The following CHMP2B variants were observed in gnomAD, a reference collection of about 807,000 sequenced individuals.
The protein encoded by CHMP2B is VPS2 homolog B.
CHMP2B carries 22 observed loss-of-function variants against 29.8 expected under a neutral mutation model. The ratio of observed to expected loss-of-function variants is 0.74; its 90% confidence interval spans 0.53 to 1.05. CHMP2B has a LOEUF of 1.05. Ranked by LOEUF, CHMP2B falls within the 50% of genes least tolerant of loss-of-function variation. The pLI is 0.00. For missense variants in CHMP2B, 261 were observed against 252.2 expected (o/e 1.03, Z -0.24); for synonymous variants, 78 against 75.8 (o/e 1.03, Z -0.15).
chr3:87,242,338 G>A (rs1706133244), intron 2 of CHMP2B, among the ~76,000 whole-genome samples: 1 of 151,940 alleles, frequency 6.6e-6, no homozygotes, highest in African/African-American at 2.4e-5. Context: ...TTTTTTCAAT[G>A]TTGGAGTTTC....
intron 4 of CHMP2B, among the ~76,000 whole-genome samples, chr3:87,250,856 C>T (rs1021474580): frequency 6.6e-6 from 1 of 151,654 alleles, no homozygotes; most frequent in African/African-American, 2.4e-5. Context: ...CAATTCTTTC[C>T]GGAAGACTAC....
At chr3:87,228,240 AT>A (rs1478158528) in intron 1 of CHMP2B, among the ~76,000 whole-genome samples, 2 of 152,198 alleles carry the variant, frequency 1.3e-5, no homozygotes, top group Non-Finnish European at 2.9e-5. Flanking sequence ...TGTTTCCCGC[AT>A]TTAGCTTAAT....
chr3:87,227,711 C>T (rs563674379), intron 1 of CHMP2B, among the ~76,000 whole-genome samples, 155 bp downstream of exon 1: 3 of 152,306 alleles, frequency 2.0e-5, no homozygotes, highest in Admixed American at 6.5e-5. Flanking sequence ...TCTCTGCCTC[C>T]CTCTTGCTTC....
At chr3:87,250,092 A>G (rs1274242988) in intron 4 of CHMP2B, 115 bp downstream of exon 4, 7 of 622,644 alleles carry the variant, frequency 1.1e-5, no homozygotes, top group African/African-American at 1.9e-5. Flanking sequence ...ACCAAAGATG[A>G]TAGGCTCAAA....
In CHMP2B at chr3:87,253,895, A is replaced by G; in HGVS notation, c.*73A>G. On this transcript the variant is annotated 3_prime_UTR_variant, in exon 6 of 6. Coordinates refer to ENST00000263780, the MANE Select transcript of CHMP2B (RefSeq NM_014043.4). ...ACCAAGCACAGTGCAGATTTCTTTT[A>G]CAAAACACATGTATTTTGCAAAAAA... The G allele has an allele frequency of 8.9e-7, 1 of 1,122,960 alleles. No individual in the cohort carries two copies. The highest frequency in any genetic ancestry group is 1.5e-5 in the African/African-American group (1 of 64,826). 69.6% of individuals were successfully genotyped at this position (1,122,960 alleles called of 1,614,324 possible). A position where few individuals can be genotyped will look rare whatever the true frequency, so the allele number is the denominator to read the frequency against.
intron 1 of CHMP2B, among the ~76,000 whole-genome samples, chr3:87,235,724 A>C (rs1248332986): frequency 6.6e-6 from 1 of 152,114 alleles, no homozygotes; most frequent in Non-Finnish European, 1.5e-5. Flanking sequence ...TCAGACACCT[A>C]TTGGGTGTTC....
intron 2 of CHMP2B, among the ~76,000 whole-genome samples, chr3:87,245,145 T>C (rs1261955140): frequency 1.3e-5 from 2 of 152,170 alleles, no homozygotes; most frequent in Non-Finnish European, 2.9e-5. Flanking sequence ...CCACTCTAGA[T>C]TGGCAGGTTT....
At chr3:87,246,936 G>A (rs1422381745) in intron 3 of CHMP2B, among the ~76,000 whole-genome samples, 1 of 152,122 alleles carries the variant, frequency 6.6e-6, no homozygotes, top group Non-Finnish European at 1.5e-5. Context: ...TGAGTAGGGT[G>A]ATCTAAAAGA....
intron 1 of CHMP2B, among the ~76,000 whole-genome samples, chr3:87,229,491 C>T (rs1705869394): frequency 6.6e-6 from 1 of 152,008 alleles, no homozygotes; most frequent in Non-Finnish European, 1.5e-5. Context: ...TTACTGACAT[C>T]TTAATAAATA....
chr3:87,252,797 C>T (rs1706339032), intron 4 of CHMP2B, among the ~76,000 whole-genome samples: 1 of 151,902 alleles, frequency 6.6e-6, no homozygotes, highest in Non-Finnish European at 1.5e-5. Flanking sequence ...CACAACTCAA[C>T]ATGATGCATT....
In CHMP2B at chr3:87,240,704, A is replaced by G; in HGVS notation, c.40A>G (p.Ile14Val). Residue 14 changes from isoleucine to valine, a missense_variant, in exon 2 of 6, where the codon ATA becomes GTA. By Grantham distance (29) the Ile-to-Val change is conservative. Transcript: ENST00000263780. ...LFKKKTVDDVIKEQNRELRGT... is the reference protein window; with the variant it reads ...LFKKKTVDDVVKEQNRELRGT... ...TTCTTTTGTGATTCTCCTAGATGTA[A>G]TAAAGGAACAGAATCGAGAGTTACG... is the stretch of plus-strand genomic sequence containing the variant. 2 of 1,609,160 alleles carry G rather than the reference A, an allele frequency of 1.2e-6. No homozygotes were observed. The highest frequency in any genetic ancestry group is 3.3e-4 in the Middle Eastern group (2 of 6,050).
At chr3:87,242,127 A>AT (rs1051372407) in intron 2 of CHMP2B, among the ~76,000 whole-genome samples, 1 of 151,866 alleles carries the variant, frequency 6.6e-6, no homozygotes, top group African/African-American at 2.4e-5. Context: ...TATTTTACCC[A>AT]TTTTTTCATC....
Position 87,227,484 on chromosome 3 carries a change from ACCGGGCCGAG to A in CHMP2B, c.-30_-21del, listed in dbSNP as rs746915597. 2 of 1,613,654 alleles carry A rather than the reference ACCGGGCCGAG, an allele frequency of 1.2e-6. No individual in the cohort carries two copies. The highest frequency in any genetic ancestry group is 2.2e-5 in the South Asian group (2 of 91,064). On this transcript the variant is annotated 5_prime_UTR_variant, in exon 1 of 6. Coordinates refer to ENST00000263780, the MANE Select transcript of CHMP2B (RefSeq NM_014043.4). ...CTGTCCTTTGCCAGCGTTGGGCCGG[ACCGGGCCGAG>A]CCGGGCCGCCCGGGCGCAGTCTTTA...
At chr3:87,252,540 T>C (rs1189100134) in intron 4 of CHMP2B, among the ~76,000 whole-genome samples, 2 of 151,930 alleles carry the variant, frequency 1.3e-5, no homozygotes, top group African/African-American at 2.4e-5. Flanking sequence ...CTTGCCAGAT[T>C]ACTTCACATG....
chr3:87,247,052 T>C (rs1706226800), intron 3 of CHMP2B, among the ~76,000 whole-genome samples: 1 of 152,176 alleles, frequency 6.6e-6, no homozygotes, highest in Non-Finnish European at 1.5e-5. Context: ...CAGAGGAAAG[T>C]ACAAGCTTTA....
intron 3 of CHMP2B, 38 bp downstream of exon 3, chr3:87,245,946 T>A (rs770489537): frequency 1.1e-5 from 16 of 1,495,616 alleles, no homozygotes; most frequent in Non-Finnish European, 1.3e-5. Flanking sequence ...TTTTTAATTT[T>A]ATCAACGATA....
intron 1 of CHMP2B, among the ~76,000 whole-genome samples, chr3:87,231,040 GTTC>G (rs1705901305): frequency 6.6e-6 from 1 of 151,430 alleles, no homozygotes; most frequent in Non-Finnish European, 1.5e-5. Context: ...ATATGTTAGT[GTTC>G]TTCTTGGTTC....
chr3:87,255,299 C>T lies in CHMP2B; in HGVS notation c.*1477C>T, dbSNP rs1706386747. ...GTTTTGTTATTGATAGTATTAAATA[C>T]ACAGTTTCTCTTAACAGTGATGGGT... On this transcript the variant is annotated 3_prime_UTR_variant, in exon 6 of 6. Transcript: ENST00000263780. 1 of 152,400 alleles carries T rather than the reference C, an allele frequency of 6.6e-6. No individual in the cohort carries two copies. The highest frequency in any genetic ancestry group is 1.5e-5 in the Non-Finnish European group (1 of 67,924). The allele number at this position is 152,400 out of a possible 1,614,324, so 9.4% of individuals were successfully genotyped here. A position where few individuals can be genotyped will look rare whatever the true frequency, so the allele number is the denominator to read the frequency against.
chr3:87,244,295 C>T (rs1180232601), intron 2 of CHMP2B, among the ~76,000 whole-genome samples: 1 of 151,768 alleles, frequency 6.6e-6, no homozygotes, highest in African/African-American at 2.4e-5. Flanking sequence ...CTGCCCGCCT[C>T]AGCCTCCCAA....
Sources: gnomAD v4.1 joint callset for allele counts (sites outside exome capture counted in the v4.1 genomes callset) on GRCh38, gnomAD v4.1.1 for gene constraint, MANE v1.5 for transcripts, NCBI Gene and HGNC (gene_info 2026-07-23, HGNC 2026-07-21) for gene names.